Variants in NFIB observed in about 807,000 individuals in gnomAD.
NFIB encodes nuclear factor 1 B-type.
A neutral mutation model predicts 61.5 loss-of-function variants in NFIB; 11 were observed. That is an observed-to-expected ratio of 0.18 (90% confidence interval 0.11 to 0.30). The LOEUF is 0.30. Among genes scored for constraint, NFIB ranks in the 10% least tolerant of loss-of-function variants. NFIB has a pLI of 1.00. For synonymous variants in NFIB, 260 were observed against 216.5 expected, an observed-to-expected ratio of 1.20 and a Z score of -1.76; for missense variants, 471 against 608.9, an observed-to-expected ratio of 0.77 and a Z score of 2.38.
chr9:14,461,960 G>C, the NFIB span, among the ~76,000 whole-genome samples: 15 of 152,210 alleles, frequency 9.9e-5, no homozygotes, highest in African/African-American at 3.6e-4. Context: ...ACATGTTATT[G>C]ATGATTTCTT....
At chr9:14,458,664 CAA>C in the NFIB span, among the ~76,000 whole-genome samples, 1 of 152,190 alleles carries the variant, frequency 6.6e-6, no homozygotes, top group East Asian at 1.9e-4. Flanking sequence ...GCAACTTCAG[CAA>C]AGTCTCAGCA....
In NFIB at chr9:14,289,770, A is replaced by G. The variant is rs191279711; in HGVS notation, c.562+17219T>C. On this transcript the variant is annotated intron_variant, in intron 2 of 10. Coordinates refer to ENST00000380953, the MANE Select transcript of NFIB (RefSeq NM_001190737.2). ...TCATTTTTAATGAATAAGAGAAAAC[A>G]GTCAAAATTATTCTTCAGAGAATAA... 7.1e-3 allele frequency among the ~76,000 whole-genome samples: 1,078 copies of G among 152,130 alleles called. 16 individuals are homozygous for G. Among genetic ancestry groups the G allele is most frequent in the African/African-American group, 0.024 (993 of 41,554 alleles).
the NFIB span, among the ~76,000 whole-genome samples, chr9:14,455,094 T>C: frequency 6.6e-6 from 1 of 152,194 alleles, no homozygotes; most frequent in Non-Finnish European, 1.5e-5. Context: ...ACCTGATGAC[T>C]GTCAGGATGC....
chr9:14,191,630 A>G (rs183479386), intron 2 of NFIB, among the ~76,000 whole-genome samples: 3 of 152,314 alleles, frequency 2.0e-5, no homozygotes, highest in East Asian at 3.9e-4. Flanking sequence ...GCCAAATCCA[A>G]AGAGTATGAA....
chr9:14,159,615 C>T (rs2043911287), intron 3 of NFIB, among the ~76,000 whole-genome samples: 2 of 152,186 alleles, frequency 1.3e-5, no homozygotes, highest in South Asian at 4.1e-4. Context: ...CAGGCATTAA[C>T]CAAGACGTGG....
At chr9:14,525,881 G>A in the NFIB span, among the ~76,000 whole-genome samples, 1 of 152,106 alleles carries the variant, frequency 6.6e-6, no homozygotes, top group African/African-American at 2.4e-5. Context: ...CACCTACTAA[G>A]TGCTCAGACC....
chr9:14,135,138 T>C (rs2040893279), intron 6 of NFIB, among the ~76,000 whole-genome samples: 1 of 152,168 alleles, frequency 6.6e-6, no homozygotes, highest in South Asian at 2.1e-4. Context: ...GTGATTTTTA[T>C]TTTCTTCTTC....
chr9:14,382,285 A>C (rs943438715), intron 1 of NFIB, among the ~76,000 whole-genome samples: 10 of 152,208 alleles, frequency 6.6e-5, no homozygotes, highest in African/African-American at 2.4e-4. Context: ...GTTTGAGAAC[A>C]CAGCAAGGAA....
intron 2 of NFIB, among the ~76,000 whole-genome samples, 170 bp downstream of exon 2, chr9:14,306,819 C>G (rs1011333301): frequency 1.3e-5 from 2 of 152,146 alleles, no homozygotes; most frequent in Non-Finnish European, 2.9e-5. Flanking sequence ...ATTTACATGG[C>G]TCGCACATGG....
chr9:14,281,233 T>C (rs1384971054), intron 2 of NFIB, among the ~76,000 whole-genome samples: 6 of 152,202 alleles, frequency 3.9e-5, no homozygotes, highest in East Asian at 1.9e-4. Context: ...ATGCAAATAA[T>C]AGAAGTCTTA....
chr9:14,427,757 G>A, the NFIB span, among the ~76,000 whole-genome samples: 1 of 151,960 alleles, frequency 6.6e-6, no homozygotes, highest in Admixed American at 6.6e-5. Context: ...GTGACTGGTT[G>A]GAGAACCCAG....
intron 7 of NFIB, among the ~76,000 whole-genome samples, chr9:14,122,519 GT>G (rs1563806728): frequency 6.6e-6 from 1 of 152,088 alleles, no homozygotes; most frequent in East Asian, 1.9e-4. Context: ...GAACAAATGC[GT>G]ATTTCTTAAA....
chr9:14,470,543 T>G, the NFIB span, among the ~76,000 whole-genome samples: 2 of 152,140 alleles, frequency 1.3e-5, 1 homozygote, highest in South Asian at 4.1e-4. Context: ...CTGGACTAAT[T>G]AACAATGGTG....
chr9:14,433,285 A>G, the NFIB span, among the ~76,000 whole-genome samples: 1 of 152,156 alleles, frequency 6.6e-6, no homozygotes, highest in African/African-American at 2.4e-5. Context: ...TTTTTTTGCC[A>G]TATATGGACA....
intron 3 of NFIB, among the ~76,000 whole-genome samples, chr9:14,158,059 C>T (rs1218992846): frequency 2.7e-5 from 4 of 146,226 alleles, no homozygotes; most frequent in South Asian, 2.1e-4. Flanking sequence ...TGTAGTGAGC[C>T]GAGATGGAGC....
At chr9:14,284,529 C>G (rs541357041) in intron 2 of NFIB, among the ~76,000 whole-genome samples, 1 of 152,108 alleles carries the variant, frequency 6.6e-6, no homozygotes, top group African/African-American at 2.4e-5. Flanking sequence ...AAAGTGAGCA[C>G]TCAAAATTCA....
chr9:14,404,908 A>G, the NFIB span, among the ~76,000 whole-genome samples: 1 of 152,116 alleles, frequency 6.6e-6, no homozygotes, highest in African/African-American at 2.4e-5. Flanking sequence ...GTCCTCACTC[A>G]TCTGTTGTTT....
intron 2 of NFIB, among the ~76,000 whole-genome samples, chr9:14,216,605 G>T (rs2050955591): frequency 6.8e-6 from 1 of 147,188 alleles, no homozygotes; most frequent in Non-Finnish European, 1.5e-5. Context: ...ATTGACAAGG[G>T]GGTAAGCCCC....
At chr9:14,374,304 T>C (rs1291509799) in intron 1 of NFIB, among the ~76,000 whole-genome samples, 1 of 152,230 alleles carries the variant, frequency 6.6e-6, no homozygotes. Flanking sequence ...AGGATATCTA[T>C]AACCCAGTCT....
Sources: allele counts gnomAD v4.1 joint callset (sites outside exome capture counted in the v4.1 genomes callset), GRCh38; gene constraint gnomAD v4.1.1; transcripts MANE v1.5; gene names NCBI Gene and HGNC (gene_info 2026-07-23, HGNC 2026-07-21).